Variants in SGCZ observed in about 807,000 individuals in gnomAD.
SGCZ encodes the protein zeta-sarcoglycan.
A neutral mutation model predicts 41.3 loss-of-function variants in SGCZ; 40 were observed. That is an observed-to-expected ratio of 0.97 (90% CI 0.75 to 1.26). The LOEUF (loss-of-function observed/expected upper bound fraction) is 1.26. Among genes scored for constraint, SGCZ ranks in the 50% most tolerant of loss-of-function variants. SGCZ has a pLI of 0.00. For missense variants in SGCZ, 552 were observed against 369.8 expected, an observed-to-expected ratio of 1.49 and a Z score of -4.04; for synonymous variants, 206 against 137.5, an observed-to-expected ratio of 1.50 and a Z score of -3.49.
intron 3 of SGCZ, among the ~76,000 whole-genome samples, chr8:14,322,225 A>T (rs1801945067): frequency 6.6e-6 from 1 of 152,116 alleles, no homozygotes; most frequent in Admixed American, 6.6e-5. Context: ...CTGTCTGGCT[A>T]CCAATGTGCC....
At chr8:14,879,186 G>C (rs932725649) in intron 1 of SGCZ, 1 of 152,104 alleles carries the variant, frequency 6.6e-6, no homozygotes, top group African/African-American at 2.4e-5. Flanking sequence ...AAGTTAGCTG[G>C]CCATGGTGGC....
chr8:14,640,979 A>G lies in SGCZ; in HGVS notation c.40-86053T>C, dbSNP rs191453651. On this transcript the variant is annotated intron_variant, in intron 1 of 7. Coordinates refer to ENST00000382080, the MANE Select transcript of SGCZ (RefSeq NM_139167.4). ...GGCTATAAAGTTAATGTTGGTATGA[A>G]ATCTTCCTCTATCAATTCAGAAAGA... Among the ~76,000 whole-genome samples, 240 of 151,814 alleles carry G rather than the reference A, an allele frequency of 1.6e-3. 2 individuals carry two copies. The highest frequency in any genetic ancestry group is 5.3e-3 in the African/African-American group (219 of 41,502).
Position 14,403,259 on chromosome 8 carries a change from T to C in SGCZ, c.235-79055A>G, listed in dbSNP as rs1487039206. 1.3e-5 allele frequency among the ~76,000 whole-genome samples: 2 copies of C among 150,312 alleles called. 1 individual carries two copies. Among genetic ancestry groups the C allele is most frequent in the African/African-American group, 5.0e-5 (2 of 39,662 alleles). On this transcript the variant is annotated intron_variant, in intron 2 of 7. Coordinates refer to ENST00000382080, the MANE Select transcript of SGCZ (RefSeq NM_139167.4). ...AACAGGGACAATTTGACTTCCTCTT[T>C]TCCTAATTGAATACCCTTTATTTCC...
chr8:15,059,750 A>C (rs1274655153), intron 1 of SGCZ, among the ~76,000 whole-genome samples: 1 of 152,250 alleles, frequency 6.6e-6, no homozygotes, highest in Non-Finnish European at 1.5e-5. Flanking sequence ...TTACCTGGTA[A>C]ACCAGTTAGC....
At chr8:14,891,068 C>T (rs1048764391) in intron 1 of SGCZ, among the ~76,000 whole-genome samples, 1 of 152,156 alleles carries the variant, frequency 6.6e-6, no homozygotes, top group Non-Finnish European at 1.5e-5. Flanking sequence ...AACCAAAAGG[C>T]CTGGAGATAC....
chr8:15,071,249 C>T (rs1050324345), intron 1 of SGCZ, among the ~76,000 whole-genome samples: 1 of 152,100 alleles, frequency 6.6e-6, no homozygotes, highest in South Asian at 2.1e-4. Context: ...GAGCATATTC[C>T]TCCAGTTAGG....
At chr8:14,226,198 A>C (rs1479616964) in intron 4 of SGCZ, among the ~76,000 whole-genome samples, 2 of 152,114 alleles carry the variant, frequency 1.3e-5, no homozygotes, top group Non-Finnish European at 2.9e-5. Context: ...TAAGTTATAT[A>C]TAAAAAAAGA....
chr8:14,168,577 C>T (rs905619819), intron 4 of SGCZ, among the ~76,000 whole-genome samples: 1 of 152,142 alleles, frequency 6.6e-6, no homozygotes, highest in Admixed American at 6.5e-5. Context: ...ATGTGACTTG[C>T]TCCTCCTTGC....
intron 1 of SGCZ, among the ~76,000 whole-genome samples, chr8:15,085,235 C>T (rs573227109): frequency 7.2e-5 from 11 of 152,116 alleles, no homozygotes; most frequent in Non-Finnish European, 1.6e-4. Context: ...TTTTAACATC[C>T]TTAACTTCTA....
intron 1 of SGCZ, among the ~76,000 whole-genome samples, chr8:14,920,105 C>T (rs1411221772): frequency 1.3e-5 from 2 of 152,026 alleles, no homozygotes; most frequent in African/African-American, 4.8e-5. Flanking sequence ...ATCTGGGCTG[C>T]TTTGGGTAAA....
chr8:14,648,266 T>C (rs566752470), intron 1 of SGCZ, among the ~76,000 whole-genome samples: 1 of 152,248 alleles, frequency 6.6e-6, no homozygotes, highest in South Asian at 2.1e-4. Flanking sequence ...GGTATCTCTG[T>C]CTGGCTAGAT....
At chr8:14,156,610 G>A (rs1244583810) in intron 5 of SGCZ, among the ~76,000 whole-genome samples, 1 of 152,044 alleles carries the variant, frequency 6.6e-6, no homozygotes, top group African/African-American at 2.4e-5. Context: ...ACCATGTATA[G>A]CTGTACAAAA....
chr8:14,242,163 T>C (rs1265854110), intron 3 of SGCZ, among the ~76,000 whole-genome samples: 1 of 152,174 alleles, frequency 6.6e-6, no homozygotes, highest in Non-Finnish European at 1.5e-5. Flanking sequence ...AAAAAAGCAT[T>C]AGTAATATTG....
At position 14,758,677 on chromosome 8, in the gene SGCZ, C is replaced by T. The variant is rs182484246; in HGVS notation, c.40-203751G>A. On this transcript the variant is annotated intron_variant, in intron 1 of 7. Transcript: ENST00000382080. ...AATATTTCAAATAACTACATTAAAG[C>T]GAAATTATTTACCATTTATTTCTTT... 5.3e-4 allele frequency among the ~76,000 whole-genome samples: 80 copies of T among 152,156 alleles called. No homozygotes were observed. The East Asian group carries it at 9.5e-3, about 18-fold the overall frequency.
At chr8:14,171,251 T>C (rs1381670539) in intron 4 of SGCZ, among the ~76,000 whole-genome samples, 1 of 151,918 alleles carries the variant, frequency 6.6e-6, no homozygotes, top group Non-Finnish European at 1.5e-5. Flanking sequence ...AGGGTAGTTT[T>C]GCATAAGTTG....
chr8:14,723,412 C>T (rs1453911309), intron 1 of SGCZ, among the ~76,000 whole-genome samples: 1 of 152,162 alleles, frequency 6.6e-6, no homozygotes, highest in African/African-American at 2.4e-5. Context: ...GCAGAGGACC[C>T]TCACATGTCC....
At chr8:15,157,432 A>C (rs570079079) in intron 1 of SGCZ, among the ~76,000 whole-genome samples, 72 of 152,228 alleles carry the variant, frequency 4.7e-4, no homozygotes, top group African/African-American at 1.6e-3. Flanking sequence ...GGGGAAAAAA[A>C]AAAAGTAGCC....
intron 1 of SGCZ, among the ~76,000 whole-genome samples, chr8:15,009,709 T>C (rs1802760337): frequency 6.6e-6 from 1 of 152,222 alleles, no homozygotes; most frequent in African/African-American, 2.4e-5. Flanking sequence ...GAAAGTTTAT[T>C]CCTTGATCTG....
At chr8:14,248,425 A>C (rs532724848) in intron 3 of SGCZ, among the ~76,000 whole-genome samples, 2 of 152,188 alleles carry the variant, frequency 1.3e-5, no homozygotes, top group Non-Finnish European at 2.9e-5. Context: ...TATGATACAC[A>C]GTTCATGTTA....
Sources: allele counts gnomAD v4.1 joint callset (sites outside exome capture counted in the v4.1 genomes callset), GRCh38; gene constraint gnomAD v4.1.1; transcripts MANE v1.5; gene names NCBI Gene and HGNC (gene_info 2026-07-23, HGNC 2026-07-21).